Variants in KCNH8 observed in about 807,000 individuals in gnomAD.
KCNH8 encodes voltage-gated delayed rectifier potassium channel KCNH8.
Under a neutral mutation model 103.6 loss-of-function variants are expected in KCNH8, and 70 were observed. The observed-to-expected ratio is 0.68, with a 90% CI of 0.56 to 0.82. The LOEUF is 0.82. KCNH8 is among the 40% of genes least tolerant of loss of function. KCNH8 has a pLI of 0.00. For missense variants in KCNH8, 1,217 were observed against 1,329.9 expected (o/e 0.92, Z 1.32); for synonymous variants, 498 against 489.4 (o/e 1.02, Z -0.23).
intron 11 of KCNH8, among the ~76,000 whole-genome samples, chr3:19,463,506 A>G (rs2067676181): frequency 6.6e-6 from 1 of 152,144 alleles, no homozygotes; most frequent in South Asian, 2.1e-4. Flanking sequence ...GACAACAAGC[A>G]GATAAAAAAT....
intron 15 of KCNH8, among the ~76,000 whole-genome samples, chr3:19,518,349 T>C (rs1000806965): frequency 2.4e-4 from 36 of 152,066 alleles, no homozygotes; most frequent in African/African-American, 8.7e-4. Flanking sequence ...AGGTCAATCA[T>C]TTAGCATGAA....
At chr3:19,512,440 A>G (rs541967202) in intron 12 of KCNH8, among the ~76,000 whole-genome samples, 9 of 152,292 alleles carry the variant, frequency 5.9e-5, no homozygotes, top group African/African-American at 2.2e-4. Context: ...AGAGTAGCTG[A>G]GAATACTTCT....
At chr3:19,421,668 C>A (rs796066410) in intron 7 of KCNH8, among the ~76,000 whole-genome samples, 19 of 151,964 alleles carry the variant, frequency 1.3e-4, no homozygotes, top group Admixed American at 5.9e-4. Context: ...TTCTACAATG[C>A]CCAATTTTTG....
intron 7 of KCNH8, among the ~76,000 whole-genome samples, chr3:19,405,184 T>G (rs1156548686): frequency 6.6e-6 from 1 of 151,890 alleles, no homozygotes; most frequent in Non-Finnish European, 1.5e-5. Context: ...TCTGTATAAT[T>G]AAGTGAAATT....
chr3:19,395,869 T>TTATA (rs1482403301), intron 7 of KCNH8, among the ~76,000 whole-genome samples: 3 of 152,022 alleles, frequency 2.0e-5, no homozygotes, highest in Non-Finnish European at 2.9e-5. Flanking sequence ...CAAACATAAT[T>TTATA]TATAGTTTTG....
At chr3:19,294,422 A>C (rs555860642) in intron 3 of KCNH8, among the ~76,000 whole-genome samples, 1 of 152,186 alleles carries the variant, frequency 6.6e-6, no homozygotes, top group African/African-American at 2.4e-5. Flanking sequence ...AAAAAAACAC[A>C]TGCAAAATTT....
intron 3 of KCNH8, among the ~76,000 whole-genome samples, chr3:19,311,499 A>G (rs534870428): frequency 1.3e-5 from 2 of 151,348 alleles, no homozygotes; most frequent in African/African-American, 4.8e-5. Context: ...AATTAAATAT[A>G]TATTTAATTA....
intron 15 of KCNH8, among the ~76,000 whole-genome samples, chr3:19,521,223 C>T (rs1468044923): frequency 6.6e-6 from 1 of 151,992 alleles, no homozygotes; most frequent in Non-Finnish European, 1.5e-5. Context: ...CCAAGGGAGA[C>T]TGTGTGCTCT....
intron 1 of KCNH8, among the ~76,000 whole-genome samples, chr3:19,250,989 A>G (rs1267308905): frequency 6.6e-6 from 1 of 152,180 alleles, no homozygotes; most frequent in Admixed American, 6.5e-5. Flanking sequence ...AGCTTTTTTT[A>G]GGATGTGTAG....
intron 8 of KCNH8, among the ~76,000 whole-genome samples, chr3:19,443,719 T>C (rs2067317098): frequency 6.6e-6 from 1 of 151,924 alleles, no homozygotes; most frequent in Admixed American, 6.6e-5. Flanking sequence ...CAATAATGTT[T>C]ATGGACACAA....
chr3:19,490,189 G>C (rs1303194779), intron 11 of KCNH8, among the ~76,000 whole-genome samples: 10 of 152,246 alleles, frequency 6.6e-5, no homozygotes, highest in Admixed American at 6.5e-4. Context: ...TGACTCAACT[G>C]TCCGTCCTTA....
chr3:19,521,004 C>A (rs369371300), intron 15 of KCNH8, among the ~76,000 whole-genome samples: 1 of 151,994 alleles, frequency 6.6e-6, no homozygotes, highest in Admixed American at 6.6e-5. Context: ...AATATTAGAA[C>A]GCTTTGACCA....
intron 11 of KCNH8, among the ~76,000 whole-genome samples, chr3:19,462,073 G>A (rs907147138): frequency 1.3e-5 from 2 of 152,212 alleles, no homozygotes; most frequent in Middle Eastern, 3.4e-3. Flanking sequence ...CCAAGTCTTT[G>A]CTATTGTGAA....
intron 3 of KCNH8, among the ~76,000 whole-genome samples, chr3:19,331,868 G>A (rs892624020): frequency 5.3e-5 from 8 of 152,028 alleles, no homozygotes; most frequent in Admixed American, 2.0e-4. Flanking sequence ...TGTGTACCAC[G>A]GTGAGTCTTC....
At position 19,267,856 on chromosome 3, in the gene KCNH8, C is replaced by T. The variant is rs550014277; in HGVS notation, c.311-13342C>T. Among the ~76,000 whole-genome samples, 25 of 152,170 alleles carry T rather than the reference C, an allele frequency of 1.6e-4. 2 individuals carry two copies. The South Asian group carries it at 4.4e-3, about 27-fold the overall frequency. On this transcript the variant is annotated intron_variant, in intron 2 of 15. Transcript: ENST00000328405. ...TTTTGAGCAATTAACTTCAACTTCC[C>T]GAGCCTCAGTTTTCTCTTCTGTAAT... is the stretch of plus-strand genomic sequence containing the variant.
At chr3:19,448,957 T>C (rs370109465) in intron 8 of KCNH8, 4 of 1,285,444 alleles carry the variant, frequency 3.1e-6, no homozygotes, top group African/African-American at 3.0e-5. Flanking sequence ...TCCAAGGCCT[T>C]CTTGGATTAT....
intron 1 of KCNH8, among the ~76,000 whole-genome samples, chr3:19,200,249 G>C (rs2063643872): frequency 1.3e-5 from 2 of 151,996 alleles, no homozygotes; most frequent in South Asian, 4.1e-4. Context: ...AGATGATCTT[G>C]AGAAGTTGCT....
chr3:19,374,387 C>A (rs1386477895), intron 5 of KCNH8, among the ~76,000 whole-genome samples: 4 of 151,468 alleles, frequency 2.6e-5, no homozygotes, highest in Non-Finnish European at 4.4e-5. Context: ...CTCTTTTGAT[C>A]TTTGTTGGTT....
chr3:19,334,977 A>G (rs1022878941), intron 3 of KCNH8, among the ~76,000 whole-genome samples: 3 of 151,980 alleles, frequency 2.0e-5, no homozygotes, highest in Non-Finnish European at 4.4e-5. Flanking sequence ...CTAATCAGGC[A>G]TTCTTTCTTT....
Sources: gnomAD v4.1 joint callset for allele counts (sites outside exome capture counted in the v4.1 genomes callset) on GRCh38, gnomAD v4.1.1 for gene constraint, MANE v1.5 for transcripts, NCBI Gene and HGNC (gene_info 2026-07-23, HGNC 2026-07-21) for gene names.